Variants in C8B observed in about 807,000 individuals in gnomAD.
C8B encodes the protein complement component C8 beta chain.
In C8B, 67 loss-of-function variants were observed where a neutral mutation model predicts 64.6. The ratio of observed to expected loss-of-function variants is 1.04; its 90% CI spans 0.85 to 1.27. The LOEUF (loss-of-function observed/expected upper bound fraction) is 1.27, where lower values mean the gene tolerates loss of function less well. C8B is among the 50% of genes most tolerant of loss of function. The pLI is 0.00. For synonymous variants in C8B, 284 were observed against 257.7 expected, an observed-to-expected ratio of 1.10 and a Z score of -0.98; for missense variants, 790 against 725.2, an observed-to-expected ratio of 1.09 and a Z score of -1.03.
intron 2 of C8B, chr1:56,959,488 T>C: frequency 8.4e-7 from 1 of 1,184,892 alleles, no homozygotes; most frequent in Non-Finnish European, 1.2e-6. Context: ...AAATTGTGAG[T>C]AGGTGTTCAC....
chr1:56,943,321 A>T (rs1159100555), intron 8 of C8B, among the ~76,000 whole-genome samples: 4 of 152,330 alleles, frequency 2.6e-5, no homozygotes, highest in Admixed American at 1.3e-4. Flanking sequence ...AGCATCAGTT[A>T]TAATTGCTTG....
At chr1:56,930,635 C>T (rs1190822955) in intron 11 of C8B, among the ~76,000 whole-genome samples, 1 of 152,170 alleles carries the variant, frequency 6.6e-6, no homozygotes, top group African/African-American at 2.4e-5. Context: ...ACCCCTGGAC[C>T]TGAACCTGGG....
chr1:56,938,329 C>A (rs1340240948), intron 9 of C8B, among the ~76,000 whole-genome samples: 1 of 152,140 alleles, frequency 6.6e-6, no homozygotes, highest in African/African-American at 2.4e-5. Flanking sequence ...TTATAGCTTC[C>A]AATGTGGGCT....
chr1:56,929,344 G>A lies in C8B; in HGVS notation c.*60C>T. On this transcript the variant is annotated 3_prime_UTR_variant, in exon 12 of 12. Transcript: ENST00000371237. ...GTGGAAACTGGTGTAGGGCTGAGCT[G>A]GCATGAGTTCTTGAGGGCTCAGGGC... The A allele has an allele frequency of 6.3e-7, 1 of 1,576,896 alleles. No individual in the cohort carries two copies. Among genetic ancestry groups the A allele is most frequent in the Non-Finnish European group, 8.7e-7 (1 of 1,147,960 alleles).
At chr1:56,964,399 T>C (rs1645222537) in intron 1 of C8B, among the ~76,000 whole-genome samples, 1 of 152,110 alleles carries the variant, frequency 6.6e-6, no homozygotes, top group Admixed American at 6.6e-5. Flanking sequence ...TCACTCCTAC[T>C]CTATCTCATC....
rs748898344 is a variant in C8B, at chr1:56,929,367, G to A, written c.*37C>T. On this transcript the variant is annotated 3_prime_UTR_variant, in exon 12 of 12. Coordinates refer to ENST00000371237, the MANE Select transcript of C8B (RefSeq NM_000066.4). ...CTGGCATGAGTTCTTGAGGGCTCAG[G>A]GCTCTCATTGTATGTAGCCCACTGC... 1 of 1,609,830 alleles carries A rather than the reference G, an allele frequency of 6.2e-7. No homozygotes were observed. The highest frequency in any genetic ancestry group is 1.1e-5 in the South Asian group (1 of 90,952).
At chr1:56,933,693 A>G (rs1461563854) in intron 9 of C8B, among the ~76,000 whole-genome samples, 3 of 152,198 alleles carry the variant, frequency 2.0e-5, no homozygotes, top group African/African-American at 7.2e-5. Context: ...GTCAACAAAC[A>G]CTTAGAATGC....
At chr1:56,952,673 C>CT (rs937428108) in intron 4 of C8B, among the ~76,000 whole-genome samples, 2 of 152,166 alleles carry the variant, frequency 1.3e-5, no homozygotes, top group African/African-American at 4.8e-5. Context: ...AGTGCGTGGA[C>CT]TTTGGAGCCA....
chr1:56,939,079 T>C (rs1306892388), intron 9 of C8B, among the ~76,000 whole-genome samples: 2 of 152,236 alleles, frequency 1.3e-5, no homozygotes, highest in African/African-American at 4.8e-5. Flanking sequence ...ACATTCTCAG[T>C]GCCCAGGTAG....
intron 9 of C8B, among the ~76,000 whole-genome samples, chr1:56,937,981 T>C (rs532153890): frequency 3.9e-5 from 6 of 152,364 alleles, no homozygotes; most frequent in Admixed American, 3.9e-4. Context: ...GTAGGATATA[T>C]TTGTTCCTAA....
intron 9 of C8B, among the ~76,000 whole-genome samples, chr1:56,937,189 T>C (rs1644787547): frequency 6.6e-6 from 1 of 152,128 alleles, no homozygotes; most frequent in South Asian, 2.1e-4. Flanking sequence ...CAGTGACAGG[T>C]GAGAAGAGAG....
chr1:56,960,786 T>C (rs1325173126), intron 1 of C8B, among the ~76,000 whole-genome samples: 1 of 152,118 alleles, frequency 6.6e-6, no homozygotes, highest in African/African-American at 2.4e-5. Context: ...GATGCTGTTT[T>C]CCCATTTGAG....
chr1:56,945,423 G>A (rs1406025495), intron 7 of C8B, among the ~76,000 whole-genome samples: 1 of 152,180 alleles, frequency 6.6e-6, no homozygotes, highest in Non-Finnish European at 1.5e-5. Context: ...ACATATTGGA[G>A]AAAGAAAGTC....
At chr1:56,964,299 G>T (rs1212896133) in intron 1 of C8B, among the ~76,000 whole-genome samples, 1 of 151,998 alleles carries the variant, frequency 6.6e-6, no homozygotes, top group Non-Finnish European at 1.5e-5. Flanking sequence ...CTCTTCAATG[G>T]CTTCCCAATG....
chr1:56,951,503 A>C (rs751970831), intron 5 of C8B, among the ~76,000 whole-genome samples: 4 of 152,176 alleles, frequency 2.6e-5, no homozygotes, highest in Non-Finnish European at 4.4e-5. Flanking sequence ...ATAGGGGCTT[A>C]CATTGGTAGA....
rs1243284680 is a variant in C8B, at chr1:56,960,055, AG to A, written c.213del (p.Ser72LeufsTer63). ...TGACAGGGGTCACATGTGGTCCAAG[AG>A]GACCAACTAGACAGCTCACAATCAA... ...MPIDCELSSW[S>X]SWTTCDPCQK... On this transcript the variant is annotated frameshift_variant, in exon 2 of 12. Transcript: ENST00000371237. LOFTEE classifies it high-confidence loss of function. 20 of 1,614,120 alleles carry A rather than the reference AG, an allele frequency of 1.2e-5. No individual in the cohort carries two copies. Among genetic ancestry groups the A allele is most frequent in the Non-Finnish European group, 1.7e-5 (20 of 1,179,990 alleles).
intron 2 of C8B, among the ~76,000 whole-genome samples, chr1:56,957,472 C>A (rs915045302): frequency 6.6e-6 from 1 of 152,126 alleles, no homozygotes; most frequent in Non-Finnish European, 1.5e-5. Flanking sequence ...ATTTACCCAT[C>A]TGTAAAATAG....
intron 1 of C8B, among the ~76,000 whole-genome samples, chr1:56,960,533 C>G (rs946880971): frequency 3.3e-5 from 5 of 152,228 alleles, no homozygotes; most frequent in Non-Finnish European, 7.3e-5. Flanking sequence ...GCAGGGATTT[C>G]CAGCATGCAG....
chr1:56,951,386 G>A (rs1279841270), intron 5 of C8B, among the ~76,000 whole-genome samples: 1 of 152,134 alleles, frequency 6.6e-6, no homozygotes, highest in East Asian at 1.9e-4. Flanking sequence ...GGCAGAGCCA[G>A]TCCTGGAACC....
Sources: gnomAD v4.1 joint callset for allele counts (sites outside exome capture counted in the v4.1 genomes callset) on GRCh38, gnomAD v4.1.1 for gene constraint, MANE v1.5 for transcripts, NCBI Gene and HGNC (gene_info 2026-07-23, HGNC 2026-07-21) for gene names.